ARHGAP24: variants seen among roughly 807,000 people sequenced by gnomAD.
ARHGAP24 encodes Rho GTPase activating protein 24.
A neutral mutation model predicts 76.4 loss-of-function variants in ARHGAP24; 50 were observed. That is an observed-to-expected ratio of 0.65 (90% CI 0.52 to 0.83). The LOEUF is 0.83. Among genes scored for constraint, ARHGAP24 ranks in the 40% least tolerant of loss-of-function variants. The pLI is 0.00. For missense variants in ARHGAP24, 930 were observed against 914.2 expected (o/e 1.02, Z -0.22); for synonymous variants, 345 against 323.3 (o/e 1.07, Z -0.72).
chr4:85,740,282 C>T (rs13137575), intron 3 of ARHGAP24, among the ~76,000 whole-genome samples: 22,411 of 150,070 alleles, frequency 0.15, 2,334 homozygotes, highest in East Asian at 0.55. Context: ...TGCTGGAGTG[C>T]GGTGATCTCG....
rs140863799 is a variant in ARHGAP24 at position 85,804,729 on chromosome 4, A to G, written c.268+82757A>G. ...GGCTTTATATTTTTCAAAATATTTT[A>G]TTTTATTTGAATGTAAGCTTTCTAT... On this transcript the variant is annotated intron_variant, in intron 3 of 9. Coordinates refer to ENST00000395184, the MANE Select transcript of ARHGAP24 (RefSeq NM_001025616.3). Among the ~76,000 whole-genome samples the G allele has an allele frequency of 7.6e-3, 1,158 of 152,252 alleles. 6 individuals are homozygous for G. The highest frequency in any genetic ancestry group is 0.01 in the Middle Eastern group (3 of 292).
rs149565239 is a variant in ARHGAP24 at position 85,946,745 on chromosome 4, G to T, written c.599+4472G>T. 8.3e-3 allele frequency among the ~76,000 whole-genome samples: 1,245 copies of T among 149,706 alleles called. 13 individuals are homozygous for T. Among genetic ancestry groups the T allele is most frequent in the Non-Finnish European group, 0.014 (940 of 66,504 alleles). On this transcript the variant is annotated intron_variant, in intron 5 of 9. Transcript: ENST00000395184. ...CCAGTCCACCATCGATGGCCACTTG[G>T]GTTGATTTCATGTCTTTACTATTGT... is the stretch of plus-strand genomic sequence containing the variant.
intron 1 of ARHGAP24, among the ~76,000 whole-genome samples, chr4:85,551,471 A>C (rs1227931259): frequency 6.6e-6 from 1 of 152,138 alleles, no homozygotes; most frequent in African/African-American, 2.4e-5. Flanking sequence ...TGCATCAAGG[A>C]TATCGGCCTG....
chr4:85,969,154 T>G (rs1271047001), intron 5 of ARHGAP24, among the ~76,000 whole-genome samples: 4 of 152,152 alleles, frequency 2.6e-5, no homozygotes, highest in African/African-American at 9.7e-5. Context: ...CACCATCCCA[T>G]TGTCTAACTT....
At chr4:85,495,458 G>A (rs906494339) in intron 1 of ARHGAP24, among the ~76,000 whole-genome samples, 7 of 138,178 alleles carry the variant, frequency 5.1e-5, no homozygotes, top group African/African-American at 1.9e-4. Flanking sequence ...TCATGCCATT[G>A]TCCTGCCTCA....
At chr4:85,532,217 G>A (rs1725286694) in intron 1 of ARHGAP24, among the ~76,000 whole-genome samples, 1 of 152,000 alleles carries the variant, frequency 6.6e-6, no homozygotes, top group South Asian at 2.1e-4. Flanking sequence ...TTCCTGTTTT[G>A]TCTCTTTGTG....
chr4:85,872,497 T>A (rs1732590432), intron 3 of ARHGAP24, among the ~76,000 whole-genome samples: 2 of 151,758 alleles, frequency 1.3e-5, no homozygotes. Flanking sequence ...GGTTTCACCA[T>A]GTTGGCCAGG....
chr4:85,907,969 A>G lies in ARHGAP24; in HGVS notation c.269-15679A>G, dbSNP rs546243317. Among the ~76,000 whole-genome samples the G allele has an allele frequency of 1.2e-4, 19 of 152,304 alleles. No homozygotes were observed. In the South Asian group the frequency reaches 3.9e-3, roughly 32 times the overall value. On this transcript the variant is annotated intron_variant, in intron 3 of 9. Transcript: ENST00000395184. ...AGGGCAAAAGACAATTCTTTTGGCA[A>G]CCGTCTCGGAGCTTGGATGTAAGCT... is the stretch of plus-strand genomic sequence containing the variant.
At chr4:85,720,565 A>G (rs937690183) in intron 2 of ARHGAP24, among the ~76,000 whole-genome samples, 2 of 152,312 alleles carry the variant, frequency 1.3e-5, no homozygotes, top group African/African-American at 4.8e-5. Context: ...TTTTGAATGT[A>G]TCTGAAGCTC....
At chr4:85,753,085 GA>G (rs768338345) in intron 3 of ARHGAP24, among the ~76,000 whole-genome samples, 2 of 152,112 alleles carry the variant, frequency 1.3e-5, no homozygotes, top group Non-Finnish European at 2.9e-5. Context: ...ATGTGAGAGT[GA>G]AGAGATAAGA....
intron 3 of ARHGAP24, among the ~76,000 whole-genome samples, chr4:85,906,839 A>G (rs1734794071): frequency 6.6e-6 from 1 of 152,124 alleles, no homozygotes; most frequent in Non-Finnish European, 1.5e-5. Context: ...GATTTTTTTT[A>G]TATTTAAACA....
chr4:85,695,301 C>G (rs540807493), intron 2 of ARHGAP24, among the ~76,000 whole-genome samples: 1 of 152,304 alleles, frequency 6.6e-6, no homozygotes, highest in South Asian at 2.1e-4. Context: ...TCATATTCTC[C>G]TAGATCATGG....
At chr4:85,797,752 C>G (rs1193032406) in intron 3 of ARHGAP24, among the ~76,000 whole-genome samples, 1 of 152,192 alleles carries the variant, frequency 6.6e-6, no homozygotes, top group African/African-American at 2.4e-5. Context: ...CTGAATTGTG[C>G]CACATGGCAT....
chr4:85,739,027 C>T (rs1425672257), intron 3 of ARHGAP24, among the ~76,000 whole-genome samples: 1 of 152,176 alleles, frequency 6.6e-6, no homozygotes, highest in African/African-American at 2.4e-5. Flanking sequence ...CCATGGATTG[C>T]CTTTTGATGT....
At chr4:85,511,921 A>G (rs34033007) in intron 1 of ARHGAP24, among the ~76,000 whole-genome samples, 12,761 of 152,088 alleles carry the variant, frequency 0.084, 632 homozygotes, top group Middle Eastern at 0.14. Context: ...GCATAACTCT[A>G]ATCTCTGCCT....
intron 1 of ARHGAP24, among the ~76,000 whole-genome samples, chr4:85,552,982 A>G (rs1293852729): frequency 4.6e-5 from 7 of 151,986 alleles, no homozygotes; most frequent in Non-Finnish European, 8.8e-5. Context: ...CCTTGCAGCG[A>G]GTGTTACAGT....
intron 8 of ARHGAP24, among the ~76,000 whole-genome samples, chr4:85,984,904 C>T (rs1047545056): frequency 1.3e-5 from 2 of 152,164 alleles, no homozygotes; most frequent in Admixed American, 1.3e-4. Flanking sequence ...ACACAGCAAC[C>T]TCCACCTCCC....
chr4:85,785,981 C>T (rs1471381082), intron 3 of ARHGAP24, among the ~76,000 whole-genome samples: 1 of 146,028 alleles, frequency 6.8e-6, no homozygotes, highest in East Asian at 2.0e-4. Flanking sequence ...GAGACCACTA[C>T]TACCTTTTTT....
chr4:85,966,603 G>T (rs1246226445), intron 5 of ARHGAP24, among the ~76,000 whole-genome samples: 2 of 152,126 alleles, frequency 1.3e-5, no homozygotes, highest in African/African-American at 4.8e-5. Flanking sequence ...GTCTGGAGCT[G>T]CTTAGTGTCT....
Sources: allele counts gnomAD v4.1 joint callset (sites outside exome capture counted in the v4.1 genomes callset), GRCh38; gene constraint gnomAD v4.1.1; transcripts MANE v1.5; gene names NCBI Gene and HGNC (gene_info 2026-07-23, HGNC 2026-07-21).